The following FOXP4 variants were observed in gnomAD, a reference collection of about 807,000 sequenced individuals.
The protein encoded by FOXP4 is forkhead box P4.
A neutral mutation model predicts 82.6 loss-of-function variants in FOXP4; 25 were observed. That is an observed-to-expected ratio of 0.30 (90% CI 0.22 to 0.42). FOXP4 has a LOEUF of 0.42. FOXP4 is among the 10% of genes least tolerant of loss of function. The pLI, the probability that FOXP4 is intolerant of heterozygous loss-of-function variation, is 1.00. For missense variants in FOXP4, 785 were observed against 900.9 expected (o/e 0.87, Z 1.65); for synonymous variants, 415 against 388.2 (o/e 1.07, Z -0.81).
At chr6:41,598,240 G>A (rs1177838015) in intron 16 of FOXP4, among the ~76,000 whole-genome samples, 8 of 133,652 alleles carry the variant, frequency 6.0e-5, no homozygotes, top group South Asian at 2.4e-4. Flanking sequence ...TTTTTAAGAC[G>A]GAGTCTCGCT....
At chr6:41,590,371 G>A (rs563388621) in intron 12 of FOXP4, 24 bp downstream of exon 12, 2 of 1,610,940 alleles carry the variant, frequency 1.2e-6, no homozygotes, top group Non-Finnish European at 1.7e-6. Flanking sequence ...GTAGGAGGAG[G>A]GTGGGGAATG....
In FOXP4 at chr6:41,558,530, T is replaced by C. The variant is rs1271895275; in HGVS notation, c.-16-7215T>C. ...ACCCTGGAAGGAAGGTGTACTGGCA[T>C]TGGCCCCACATTACAGATAAGGAAA... On this transcript the variant is annotated intron_variant, in intron 1 of 16. Coordinates refer to ENST00000307972, the MANE Select transcript of FOXP4 (RefSeq NM_001012426.2). This position sits in a 1 kb window ranked among gnomAD's most constrained non-coding sequence, Gnocchi z 4.0. 6.6e-6 allele frequency among the ~76,000 whole-genome samples: 1 copy of C among 152,246 alleles called. No homozygotes were observed. The highest frequency in any genetic ancestry group is 6.5e-5 in the Admixed American group (1 of 15,292).
intron 1 of FOXP4, among the ~76,000 whole-genome samples, chr6:41,547,875 CCAAA>C (rs1046005208): frequency 8.3e-4 from 126 of 152,278 alleles, no homozygotes; most frequent in Middle Eastern, 3.4e-3. Context: ...CTCATCCACG[CCAAA>C]CAAACTTCCT....
chr6:41,585,340 T>G, intron 4 of FOXP4, 91 bp from the exon 5 acceptor site: 1 of 1,323,596 alleles, frequency 7.6e-7, no homozygotes, highest in East Asian at 2.4e-5. Flanking sequence ...GGAAACTCCC[T>G]TCTCCTGCCC....
intron 2 of FOXP4, among the ~76,000 whole-genome samples, chr6:41,575,140 T>C (rs1354575042): frequency 6.6e-6 from 1 of 152,100 alleles, no homozygotes. Flanking sequence ...GGCTAATTTT[T>C]TGTATTTTTA....
chr6:41,563,504 C>G (rs140578544), intron 1 of FOXP4, among the ~76,000 whole-genome samples: 754 of 152,256 alleles, frequency 5.0e-3, no homozygotes, highest in Non-Finnish European at 7.2e-3. Context: ...TAGGGTGTGC[C>G]TAGGCCAAAA....
intron 2 of FOXP4, among the ~76,000 whole-genome samples, chr6:41,571,701 C>T (rs983023691): frequency 2.0e-5 from 3 of 152,058 alleles, no homozygotes; most frequent in Admixed American, 2.0e-4. Context: ...GAAAAAAGTG[C>T]GGAATAACTT....
At chr6:41,585,643 G>C in intron 5 of FOXP4, 126 bp downstream of exon 5, 1 of 846,052 alleles carries the variant, frequency 1.2e-6, no homozygotes, top group Non-Finnish European at 1.8e-6. Flanking sequence ...TGAGGAAGGG[G>C]ACCAAGGATC....
chr6:41,571,619 G>A (rs961881821), intron 2 of FOXP4, among the ~76,000 whole-genome samples: 5 of 152,104 alleles, frequency 3.3e-5, no homozygotes, highest in African/African-American at 4.8e-5. Flanking sequence ...TTGAGAATGC[G>A]CCGATGTCAT....
At chr6:41,588,602 A>G (rs988496066) in intron 8 of FOXP4, 42 bp from the exon 9 acceptor site, 4 of 1,598,612 alleles carry the variant, frequency 2.5e-6, no homozygotes, top group Non-Finnish European at 3.4e-6. Flanking sequence ...GGCAGCAGGG[A>G]AACCGGAGCC....
chr6:41,573,672 G>A (rs989985205), intron 2 of FOXP4, among the ~76,000 whole-genome samples: 19 of 152,148 alleles, frequency 1.2e-4, no homozygotes, highest in African/African-American at 4.3e-4. Context: ...GCCTGGCAGT[G>A]TGCTAAGTAC....
At chr6:41,569,602 G>A (rs888328098) in intron 2 of FOXP4, among the ~76,000 whole-genome samples, 13 of 152,174 alleles carry the variant, frequency 8.5e-5, no homozygotes, top group Admixed American at 1.3e-4. Flanking sequence ...GCTGGTCTGG[G>A]TGCGCTGGCC....
rs1767067264 is a variant in FOXP4 at position 41,599,092 on chromosome 6, A to C, written c.*156A>C. On this transcript the variant is annotated 3_prime_UTR_variant, in exon 17 of 17. Coordinates refer to ENST00000307972, the MANE Select transcript of FOXP4 (RefSeq NM_001012426.2). ...CAGCAGCTCCCAGTGTGACCTGACA[A>C]AAACACGTAGGGGCAGGGACGGTCC... 8 of 1,042,518 alleles carry C rather than the reference A, an allele frequency of 7.7e-6. No homozygotes were observed. Among genetic ancestry groups the C allele is most frequent in the Non-Finnish European group, 1.1e-5 (8 of 733,796 alleles). 64.6% of individuals were successfully genotyped at this position (1,042,518 alleles called of 1,614,324 possible).
chr6:41,554,855 G>A (rs1273066071), intron 1 of FOXP4, among the ~76,000 whole-genome samples: 1 of 150,828 alleles, frequency 6.6e-6, no homozygotes, highest in African/African-American at 2.4e-5. Context: ...ATGAGACTCT[G>A]CCTCCAAAAA....
chr6:41,588,657 G>A lies in FOXP4; in HGVS notation c.991G>A (p.Glu331Lys). The A allele has an allele frequency of 1.9e-6, 3 of 1,614,098 alleles. No individual in the cohort carries two copies. The highest frequency in any genetic ancestry group is 1.7e-6 in the Non-Finnish European group (2 of 1,180,026). ...LGQFIKHLNT[E>K]HALDDRSTAQ... ...TTCCCCTTGAAGACACCTCAACACA[G>A]AGCACGCCCTGGATGACCGGAGTAC... is the stretch of plus-strand genomic sequence containing the variant. The change falls in exon 9 of 17, where the codon GAG becomes AAG. Residue 331 changes from glutamate (E) to lysine (K), a missense_variant. This residue lies in a region of FOXP4 where 570 missense variants were observed against 634.0 expected (regional missense o/e 0.90). Coordinates refer to ENST00000307972, the MANE Select transcript of FOXP4 (RefSeq NM_001012426.2).
At chr6:41,585,794 G>GT (rs958750360) in intron 5 of FOXP4, among the ~76,000 whole-genome samples, 1 of 151,882 alleles carries the variant, frequency 6.6e-6, no homozygotes, top group African/African-American at 2.4e-5. Flanking sequence ...CCCGTGTGTG[G>GT]TGTCTGCCGG....
chr6:41,576,049 A>ACCC (rs551678460), intron 2 of FOXP4, among the ~76,000 whole-genome samples: 1 of 127,182 alleles, frequency 7.9e-6, no homozygotes, highest in African/African-American at 2.8e-5. Context: ...CTCACCCGCA[A>ACCC]CCCCCCCCCC....
At chr6:41,568,232 C>A (rs767542543) in intron 2 of FOXP4, among the ~76,000 whole-genome samples, 16 of 152,210 alleles carry the variant, frequency 1.1e-4, no homozygotes, top group Non-Finnish European at 2.2e-4. Context: ...ACTTAGAGGA[C>A]AAACCAATGC....
chr6:41,565,067 C>G (rs545346964), intron 1 of FOXP4, among the ~76,000 whole-genome samples: 1 of 152,102 alleles, frequency 6.6e-6, no homozygotes, highest in Non-Finnish European at 1.5e-5. Context: ...AAGACCCAGA[C>G]GGGGGCTAGG....
Sources: gnomAD v4.1 joint callset for allele counts (sites outside exome capture counted in the v4.1 genomes callset) on GRCh38, gnomAD v4.1.1 for gene constraint, gnomAD v4.1.1 regional missense constraint, Gnocchi (gnomAD v3.1) non-coding constraint, MANE v1.5 for transcripts, NCBI Gene and HGNC (gene_info 2026-07-23, HGNC 2026-07-21) for gene names.